Variants in DAB1 observed in about 807,000 individuals in gnomAD.
DAB1 encodes disabled homolog 1.
A neutral mutation model predicts 64.6 loss-of-function variants in DAB1; 15 were observed. That is an observed-to-expected ratio of 0.23 (90% CI 0.16 to 0.36). The LOEUF is 0.36. DAB1 is among the 10% of genes least tolerant of loss of function. DAB1 has a pLI of 1.00. For synonymous variants in DAB1, 235 were observed against 251.9 expected, an observed-to-expected ratio of 0.93 and a Z score of 0.64; for missense variants, 596 against 706.7, an observed-to-expected ratio of 0.84 and a Z score of 1.78.
At chr1:58,193,621 C>T (rs1436891426) in intron 4 of DAB1, among the ~76,000 whole-genome samples, 1 of 152,066 alleles carries the variant, frequency 6.6e-6, no homozygotes, top group Non-Finnish European at 1.5e-5. Flanking sequence ...TTTGGGAGGT[C>T]GAGGCGGGTG....
chr1:57,020,478 A>G (rs950288611), intron 11 of DAB1, among the ~76,000 whole-genome samples: 1 of 151,574 alleles, frequency 6.6e-6, no homozygotes, highest in African/African-American at 2.4e-5. Context: ...AGTATGGTGC[A>G]GCTGGCTAGT....
intron 7 of DAB1, among the ~76,000 whole-genome samples, chr1:57,592,375 G>C (rs1645455598): frequency 6.6e-6 from 1 of 152,050 alleles, no homozygotes; most frequent in Admixed American, 6.6e-5. Context: ...ACCGGATTGA[G>C]AGCCCAGCCA....
At chr1:58,169,188 G>A (rs902200466) in intron 4 of DAB1, among the ~76,000 whole-genome samples, 1 of 152,286 alleles carries the variant, frequency 6.6e-6, no homozygotes, top group South Asian at 2.1e-4. Context: ...ACCGTTGCAG[G>A]TTCTTGGGCA....
chr1:57,679,085 T>C (rs1646605879), intron 6 of DAB1, among the ~76,000 whole-genome samples: 1 of 152,122 alleles, frequency 6.6e-6, no homozygotes, highest in Non-Finnish European at 1.5e-5. Context: ...GTGAGGCAAC[T>C]GTTATCTTCA....
At chr1:57,314,400 C>G (rs1418390465) in intron 1 of DAB1, among the ~76,000 whole-genome samples, 1 of 152,178 alleles carries the variant, frequency 6.6e-6, no homozygotes, top group Admixed American at 6.5e-5. Context: ...GAGCACCTGA[C>G]TTGGAGTCTC....
At chr1:58,506,212 A>T (rs1476489369) in intron 2 of DAB1, 3 of 863,242 alleles carry the variant, frequency 3.5e-6, no homozygotes, top group Non-Finnish European at 4.0e-6. Context: ...GCACAAGCCT[A>T]AAACCAAAAT....
At chr1:57,465,830 GA>G (rs1314279017) in intron 7 of DAB1, among the ~76,000 whole-genome samples, 1 of 152,124 alleles carries the variant, frequency 6.6e-6, no homozygotes, top group Non-Finnish European at 1.5e-5. Context: ...AGTGAACAGA[GA>G]AAAAACTGAA....
At chr1:58,096,582 G>A (rs1192759221) in intron 5 of DAB1, among the ~76,000 whole-genome samples, 1 of 152,210 alleles carries the variant, frequency 6.6e-6, no homozygotes. Context: ...TGTATTTAAC[G>A]AATGAGGAAA....
At chr1:57,200,123 T>C (rs1467429042) in intron 2 of DAB1, among the ~76,000 whole-genome samples, 1 of 152,198 alleles carries the variant, frequency 6.6e-6, no homozygotes, top group Non-Finnish European at 1.5e-5. Flanking sequence ...CTGTATACTG[T>C]CCCCTCACTG....
chr1:58,428,930 TG>T (rs1462530316), intron 3 of DAB1, among the ~76,000 whole-genome samples: 1 of 152,240 alleles, frequency 6.6e-6, no homozygotes, highest in African/African-American at 2.4e-5. Context: ...GGAGGGGTGC[TG>T]CTGACTACAA....
chr1:57,897,130 C>G (rs1183994926), intron 5 of DAB1, among the ~76,000 whole-genome samples: 1 of 152,210 alleles, frequency 6.6e-6, no homozygotes, highest in Non-Finnish European at 1.5e-5. Flanking sequence ...AGGCAATTAG[C>G]GTAATCAGGA....
chr1:58,076,646 AG>A (rs1432124678), intron 5 of DAB1, among the ~76,000 whole-genome samples: 1 of 152,248 alleles, frequency 6.6e-6, no homozygotes, highest in East Asian at 1.9e-4. Context: ...CTCAGATCCA[AG>A]TCTTCTCATT....
At chr1:58,055,897 A>G (rs1239862235) in intron 5 of DAB1, among the ~76,000 whole-genome samples, 1 of 150,922 alleles carries the variant, frequency 6.6e-6, no homozygotes, top group Non-Finnish European at 1.5e-5. Context: ...TATTATTATT[A>G]TTATTATTAT....
intron 7 of DAB1, among the ~76,000 whole-genome samples, chr1:57,477,958 T>TTTG (rs58208381): frequency 0.11 from 16,348 of 152,040 alleles, 965 homozygotes; most frequent in East Asian, 0.17. Flanking sequence ...AACGTGCAGG[T>TTTG]TTGTTACATA....
chr1:57,057,845 T>G (rs1273747100), intron 9 of DAB1, among the ~76,000 whole-genome samples: 1 of 152,048 alleles, frequency 6.6e-6, no homozygotes, highest in Non-Finnish European at 1.5e-5. Context: ...CCTGACCTCC[T>G]GATCCGCCCG....
rs1558464301 is a variant in DAB1, at chr1:57,528,677, C to CAT, written n.625+120914_625+120915insAT. Among the ~76,000 whole-genome samples, 43 of 143,354 alleles carry CAT rather than the reference C, an allele frequency of 3.0e-4. No individual in the cohort carries two copies. In the South Asian group the frequency reaches 9.0e-3, roughly 30 times the overall value. The allele number at this position is 143,354 out of a possible 152,430, so 94.0% of individuals were successfully genotyped here. ...ACACACACACACACACACACACACA[C>CAT]GGACACACAACATAAGTGGGAAACA... is the stretch of plus-strand genomic sequence containing the variant. On this transcript the variant is annotated intron_variant and non_coding_transcript_variant, in intron 7 of 20. Transcript: ENST00000485760.
At chr1:58,372,176 T>C (rs945923392) in intron 3 of DAB1, among the ~76,000 whole-genome samples, 2 of 152,224 alleles carry the variant, frequency 1.3e-5, no homozygotes, top group Non-Finnish European at 2.9e-5. Flanking sequence ...GCAGGCACTG[T>C]ACCCTGCAGA....
chr1:58,378,937 G>A (rs1232050870), intron 3 of DAB1, among the ~76,000 whole-genome samples: 17 of 98,994 alleles, frequency 1.7e-4, no homozygotes, highest in Non-Finnish European at 2.4e-4. Context: ...GGAGTGACCC[G>A]ATTTTCCAGG....
chr1:58,518,237 G>GGGGAGAC (rs1557450046), intron 2 of DAB1, among the ~76,000 whole-genome samples: 351 of 7,880 alleles, frequency 0.045, 94 homozygotes, highest in Non-Finnish European at 0.077. Context: ...AGAGGGGAGA[G>GGGGAGAC]GGGAGAGGGG....
Sources: allele counts gnomAD v4.1 joint callset (sites outside exome capture counted in the v4.1 genomes callset), GRCh38; gene constraint gnomAD v4.1.1; transcripts MANE v1.5; gene names NCBI Gene and HGNC (gene_info 2026-07-23, HGNC 2026-07-21).